The following POLR3B variants were observed in gnomAD, a reference collection of about 807,000 sequenced individuals.
POLR3B encodes DNA-directed RNA polymerase III subunit RPC2.
POLR3B carries 96 observed loss-of-function variants against 147.4 expected under a neutral mutation model. The ratio of observed to expected loss-of-function variants is 0.65; its 90% CI spans 0.55 to 0.77. The LOEUF (loss-of-function observed/expected upper bound fraction) is 0.77. POLR3B is among the 30% of genes least tolerant of loss of function. POLR3B has a pLI of 0.00. For missense variants in POLR3B, 1,036 were observed against 1,413.5 expected (o/e 0.73, Z 4.28); for synonymous variants, 461 against 485.9 (o/e 0.95, Z 0.67).
chr12:106,434,547 G>A (rs10778471), intron 16 of POLR3B, among the ~76,000 whole-genome samples: 50,863 of 151,096 alleles, frequency 0.34, 11,410 homozygotes, highest in African/African-American at 0.64. Flanking sequence ...AGGGCCTATT[G>A]TGCACAGGTA....
chr12:106,486,798 C>T lies in POLR3B; in HGVS notation c.2714-9257C>T, dbSNP rs141018715. Among the ~76,000 whole-genome samples, 13 of 152,330 alleles carry T rather than the reference C, an allele frequency of 8.5e-5. No homozygotes were observed. In the East Asian group the frequency reaches 2.1e-3, roughly 25 times the overall value. On this transcript the variant is annotated intron_variant, in intron 23 of 27. Transcript: ENST00000228347. ...ACACTATCCCCACTCCCTTCTTTAA[C>T]GGGTCCTCTGGTCAGGCTTTAGTGG... is the stretch of plus-strand genomic sequence containing the variant.
At chr12:106,410,123 C>A (rs1565887893) in intron 11 of POLR3B, 1 of 152,290 alleles carries the variant, frequency 6.6e-6, no homozygotes, top group African/African-American at 2.4e-5. Flanking sequence ...ACAAACAATT[C>A]TAAAACTTAG....
At chr12:106,394,965 A>G (rs1257280139) in intron 10 of POLR3B, among the ~76,000 whole-genome samples, 3 of 152,244 alleles carry the variant, frequency 2.0e-5, no homozygotes, top group Non-Finnish European at 4.4e-5. Context: ...TATGCTATTC[A>G]AAATGAAGAT....
chr12:106,477,718 C>T (rs1310827819), intron 23 of POLR3B, among the ~76,000 whole-genome samples: 6 of 152,048 alleles, frequency 3.9e-5, no homozygotes, highest in Non-Finnish European at 7.4e-5. Context: ...CACCCTGCTT[C>T]GGCTCGCGCA....
In POLR3B at chr12:106,496,791, G is replaced by A; in HGVS notation, c.2857G>A (p.Val953Met). 3 of 1,614,186 alleles carry A rather than the reference G, an allele frequency of 1.9e-6. No homozygotes were observed. Residue 953 changes from valine to methionine, a missense_variant, in exon 25 of 28, where the codon GTG becomes ATG. This residue lies in a region of POLR3B where 88 missense variants were observed against 87.5 expected (regional missense o/e 1.01). Transcript: ENST00000228347. ...LIELLAGKAG[V>M]LDGRFHYGTA... ...TGAGCTGCTGGCTGGCAAGGCCGGT[G>A]TGCTGGACGGCAGATTCCACTACGG...
At chr12:106,437,459 G>A (rs1435658519) in intron 17 of POLR3B, among the ~76,000 whole-genome samples, 1 of 152,068 alleles carries the variant, frequency 6.6e-6, no homozygotes, top group Non-Finnish European at 1.5e-5. Context: ...TGGGGACTAG[G>A]TTCACAAGAG....
intron 8 of POLR3B, among the ~76,000 whole-genome samples, chr12:106,379,466 AGT>A (rs2036729855): frequency 6.6e-6 from 1 of 152,262 alleles, no homozygotes; most frequent in Non-Finnish European, 1.5e-5. Context: ...AACAATGCGT[AGT>A]AGCAGGTAAT....
intron 6 of POLR3B, among the ~76,000 whole-genome samples, chr12:106,371,124 C>T (rs925797712): frequency 2.6e-5 from 4 of 151,970 alleles, no homozygotes; most frequent in Admixed American, 6.6e-5. Context: ...CATGAGTGGG[C>T]GAAGGACATG....
chr12:106,437,598 G>A (rs950253423), intron 17 of POLR3B, 83 bp from the exon 18 acceptor site: 6 of 774,996 alleles, frequency 7.7e-6, no homozygotes, highest in African/African-American at 3.4e-5. Context: ...GGGCCTAAAC[G>A]AAAGCCAGTA....
At chr12:106,368,993 T>C (rs1368084738) in intron 4 of POLR3B, among the ~76,000 whole-genome samples, 5 of 152,218 alleles carry the variant, frequency 3.3e-5, no homozygotes, top group African/African-American at 1.2e-4. Flanking sequence ...CTTTACACTT[T>C]GCTCTTTCAT....
At chr12:106,394,327 T>C (rs2036953988) in intron 10 of POLR3B, among the ~76,000 whole-genome samples, 2 of 152,194 alleles carry the variant, frequency 1.3e-5, no homozygotes, top group African/African-American at 4.8e-5. Flanking sequence ...AGATTCTATT[T>C]TTGGCCTTTA....
chr12:106,494,658 A>G (rs1022540362), intron 23 of POLR3B, among the ~76,000 whole-genome samples: 1 of 152,188 alleles, frequency 6.6e-6, no homozygotes, highest in African/African-American at 2.4e-5. Flanking sequence ...TTTTGGAGGG[A>G]AGAAAGAAGG....
At chr12:106,458,315 G>A (rs1429049683) in intron 21 of POLR3B, among the ~76,000 whole-genome samples, 6 of 151,758 alleles carry the variant, frequency 4.0e-5, no homozygotes. Flanking sequence ...GTAGAGATGA[G>A]GTCTTACCAT....
chr12:106,464,375 G>C (rs1457608194), intron 23 of POLR3B, among the ~76,000 whole-genome samples: 1 of 152,066 alleles, frequency 6.6e-6, no homozygotes, highest in East Asian at 1.9e-4. Flanking sequence ...TCACTTTACA[G>C]GTGCTGACTC....
chr12:106,374,860 T>G (rs2036656746), intron 6 of POLR3B, among the ~76,000 whole-genome samples: 1 of 152,174 alleles, frequency 6.6e-6, no homozygotes, highest in African/African-American at 2.4e-5. Context: ...ATTGTTATTG[T>G]CTTATGAAGT....
At chr12:106,458,582 G>A (rs1005768160) in intron 21 of POLR3B, among the ~76,000 whole-genome samples, 4 of 152,172 alleles carry the variant, frequency 2.6e-5, no homozygotes, top group African/African-American at 9.7e-5. Context: ...TGTGAGGAGG[G>A]AAATCCACAT....
In POLR3B at chr12:106,504,075, T is replaced by A; in HGVS notation, c.3099-6T>A. The A allele has an allele frequency of 6.2e-7, 1 of 1,613,740 alleles. No homozygotes were observed. The highest frequency in any genetic ancestry group is 1.3e-5 in the African/African-American group (1 of 75,032). ...TAACACATTTGTCTAATAACTTGTT[T>A]CAAAGGCAACCCACTGAAGGACGGT... is the stretch of plus-strand genomic sequence containing the variant. On this transcript the variant is annotated splice_region_variant and splice_polypyrimidine_tract_variant and intron_variant, in intron 26 of 27. Coordinates refer to ENST00000228347, the MANE Select transcript of POLR3B (RefSeq NM_018082.6). The surrounding 1 kb of genome is among the most constrained non-coding windows in gnomAD (Gnocchi z 4.6).
intron 19 of POLR3B, among the ~76,000 whole-genome samples, chr12:106,450,561 A>G (rs540349161): frequency 6.6e-6 from 1 of 152,356 alleles, no homozygotes; most frequent in African/African-American, 2.4e-5. Flanking sequence ...AGCACTTCAC[A>G]AAGTTTTGGC....
intron 23 of POLR3B, among the ~76,000 whole-genome samples, chr12:106,492,607 A>G (rs147105451): frequency 1.3e-3 from 192 of 152,340 alleles, no homozygotes; most frequent in African/African-American, 4.4e-3. Context: ...TTCCTGAGCA[A>G]GCCTATTCTT....
Sources: gnomAD v4.1 joint callset for allele counts (sites outside exome capture counted in the v4.1 genomes callset) on GRCh38, gnomAD v4.1.1 for gene constraint, gnomAD v4.1.1 regional missense constraint, Gnocchi (gnomAD v3.1) non-coding constraint, MANE v1.5 for transcripts, NCBI Gene and HGNC (gene_info 2026-07-23, HGNC 2026-07-21) for gene names.